Variants in MILR1 observed in about 807,000 individuals in gnomAD.
MILR1 encodes the protein allergin-1.
In MILR1, 31 loss-of-function variants were observed where a neutral mutation model predicts 18.5. The ratio of observed to expected loss-of-function variants is 1.68; its 90% CI spans 1.26 to 2.26. MILR1 has a LOEUF of 2.26. Among genes scored for constraint, MILR1 ranks in the 30% most tolerant of loss-of-function variants. The probability of loss-of-function intolerance (pLI) is 0.00; values close to 1 mark genes in which losing one functional copy is unlikely to be tolerated. For missense variants in MILR1, 257 were observed against 157.4 expected, an observed-to-expected ratio of 1.63 and a Z score of -3.38; for synonymous variants, 85 against 56.2, an observed-to-expected ratio of 1.51 and a Z score of -2.30.
At chr17:64,467,935 C>CAAAAAA (rs112297771) in intron 9 of MILR1, 11 of 159,062 alleles carry the variant, frequency 6.9e-5, no homozygotes, top group East Asian at 2.1e-4. Flanking sequence ...GACTTCATCT[C>CAAAAAA]AAAAAAAAAA....
the MILR1 span, chr17:64,491,590 G>C: frequency 1.9e-6 from 3 of 1,549,142 alleles, no homozygotes; most frequent in Non-Finnish European, 2.7e-6. Context: ...CTGCCAAGCT[G>C]GATCTTGATG....
At chr17:64,480,252 GAATA>G in the MILR1 span, 1 of 892,788 alleles carries the variant, frequency 1.1e-6, no homozygotes, top group South Asian at 1.7e-5. Context: ...AAAAACTCTT[GAATA>G]AATACACTCT....
At chr17:64,480,412 CA>C in the MILR1 span, 1 of 1,164,112 alleles carries the variant, frequency 8.6e-7, no homozygotes, top group Non-Finnish European at 1.3e-6. Context: ...AGAAAAACTT[CA>C]AATATGAAAG....
At chr17:64,452,455 G>A (rs2037195259) in intron 2 of MILR1, 142 bp from the exon 3 acceptor site, 1 of 394,466 alleles carries the variant, frequency 2.5e-6, no homozygotes, top group African/African-American at 2.1e-5. Flanking sequence ...GTTTTGCCAT[G>A]TTGCCCAGAC....
At chr17:64,491,037 C>G in the MILR1 span, 1 of 1,177,364 alleles carries the variant, frequency 8.5e-7, no homozygotes, top group Non-Finnish European at 1.3e-6. Flanking sequence ...CCATAATTAT[C>G]TGTAAGAATT....
chr17:64,452,407 C>A (rs1413057717), intron 2 of MILR1, among the ~76,000 whole-genome samples, 190 bp from the exon 3 acceptor site: 1 of 152,060 alleles, frequency 6.6e-6, no homozygotes, highest in African/African-American at 2.4e-5. Context: ...GTGCCCACCA[C>A]CATGCCAGCT....
intron 4 of MILR1, among the ~76,000 whole-genome samples, chr17:64,460,544 C>T (rs2037408513): frequency 6.6e-6 from 1 of 152,112 alleles, no homozygotes; most frequent in Admixed American, 6.6e-5. Context: ...CAGGGCCTCA[C>T]TATGTTGCCC....
the MILR1 span, among the ~76,000 whole-genome samples, chr17:64,481,724 A>C: frequency 7.2e-5 from 11 of 151,800 alleles, no homozygotes; most frequent in African/African-American, 2.7e-4. Flanking sequence ...AATACTAAAA[A>C]ATTAGCCAGG....
At chr17:64,496,824 C>G in the MILR1 span, 3 of 1,613,800 alleles carry the variant, frequency 1.9e-6, no homozygotes, top group Non-Finnish European at 2.5e-6. Flanking sequence ...CCCTCGAGCT[C>G]CGCGTGCGAC....
At chr17:64,486,942 T>C in the MILR1 span, 1 of 152,238 alleles carries the variant, frequency 6.6e-6, no homozygotes, top group East Asian at 1.9e-4. Context: ...TTCTTAAAAA[T>C]TTCAATCCTA....
At chr17:64,482,692 G>A in the MILR1 span, among the ~76,000 whole-genome samples, 2 of 152,146 alleles carry the variant, frequency 1.3e-5, no homozygotes, top group Non-Finnish European at 2.9e-5. Flanking sequence ...TAGAGTAAGG[G>A]TTAGGTTGAG....
At chr17:64,482,264 C>A in the MILR1 span, among the ~76,000 whole-genome samples, 27 of 150,854 alleles carry the variant, frequency 1.8e-4, 1 homozygote, top group South Asian at 5.5e-3. Flanking sequence ...CCATTATGCT[C>A]GGCTAATTTT....
At chr17:64,486,709 A>G in the MILR1 span, among the ~76,000 whole-genome samples, 2 of 152,218 alleles carry the variant, frequency 1.3e-5, no homozygotes, top group Middle Eastern at 3.2e-3. Context: ...TGATTATTCA[A>G]AAGAGGCCTT....
At chr17:64,469,834 A>G (rs1429059327), downstream of MILR1, among the ~76,000 whole-genome samples, 4 of 152,120 alleles carry the variant, frequency 2.6e-5, no homozygotes, top group African/African-American at 9.7e-5. Flanking sequence ...AGCAATTGCC[A>G]CTCACATCAG....
the MILR1 span, chr17:64,481,251 G>A: frequency 2.0e-6 from 2 of 984,576 alleles, no homozygotes; most frequent in South Asian, 9.4e-5. Flanking sequence ...CATACCCTGG[G>A]AGAAAATGTG....
intron 3 of MILR1, among the ~76,000 whole-genome samples, chr17:64,456,818 T>A (rs1369541149): frequency 8.6e-5 from 13 of 151,874 alleles, no homozygotes; most frequent in Admixed American, 8.6e-4. Context: ...AATAAATACA[T>A]TGAAAAGAAA....
At chr17:64,494,206 G>C in the MILR1 span, among the ~76,000 whole-genome samples, 1 of 152,184 alleles carries the variant, frequency 6.6e-6, no homozygotes, top group South Asian at 2.1e-4. Context: ...GTTAGTCATA[G>C]ATTGTCTCAC....
At chr17:64,485,507 A>G in the MILR1 span, 3 of 558,692 alleles carry the variant, frequency 5.4e-6, no homozygotes, top group South Asian at 6.2e-5. Flanking sequence ...AATTAAACAG[A>G]AATGCCTTTG....
chr17:64,478,637 C>T, the MILR1 span, among the ~76,000 whole-genome samples: 1 of 152,218 alleles, frequency 6.6e-6, no homozygotes, highest in East Asian at 1.9e-4. Flanking sequence ...GTGACTCATG[C>T]CTGTAATCCC....
Sources: allele counts gnomAD v4.1 joint callset (sites outside exome capture counted in the v4.1 genomes callset), GRCh38; gene constraint gnomAD v4.1.1; transcripts MANE v1.5; gene names NCBI Gene and HGNC (gene_info 2026-07-23, HGNC 2026-07-21).